The following GRK1 variants were observed in gnomAD, a reference collection of about 807,000 sequenced individuals.
GRK1 encodes the protein rhodopsin kinase GRK1.
In GRK1, 28 loss-of-function variants were observed where a neutral mutation model predicts 41.7. That is an observed-to-expected ratio of 0.67 (90% CI 0.50 to 0.92). The LOEUF (loss-of-function observed/expected upper bound fraction) is 0.92. Ranked by LOEUF, GRK1 falls within the 40% of genes least tolerant of loss-of-function variation. The pLI is 0.00. For missense variants in GRK1, 703 were observed against 671.2 expected (o/e 1.05, Z -0.52); for synonymous variants, 327 against 286.7 (o/e 1.14, Z -1.42).
In GRK1 at chr13:113,671,092, G is replaced by A. The variant is rs539880253; in HGVS notation, c.828-407G>A. On this transcript the variant is annotated intron_variant, in intron 2 of 6. Transcript: ENST00000335678. The surrounding 1 kb of genome is among the most constrained non-coding windows in gnomAD (Gnocchi z 4.1). ...AAACATAAGAGATGATGTTCTATGGGGGAGGAAAGAGGCTGAGAAGAAACA... is the reference window on the plus strand; with the variant it reads ...AAACATAAGAGATGATGTTCTATGGAGGAGGAAAGAGGCTGAGAAGAAACA... 6.6e-6 allele frequency among the ~76,000 whole-genome samples: 1 copy of A among 152,342 alleles called. No individual in the cohort carries two copies. Among genetic ancestry groups the A allele is most frequent in the South Asian group, 2.1e-4 (1 of 4,828 alleles).
At position 113,735,602 on chromosome 13, in the gene GRK1, A is replaced by T. The variant is rs2049998413; in HGVS notation, c.*239A>T. The T allele has an allele frequency of 2.2e-6, 1 of 445,710 alleles. No individual in the cohort carries two copies. The highest frequency in any genetic ancestry group is 2.0e-5 in the African/African-American group (1 of 50,192). 27.6% of individuals were successfully genotyped at this position (445,710 alleles called of 1,614,324 possible). On this transcript the variant is annotated 3_prime_UTR_variant, in exon 7 of 7. Transcript: ENST00000335678. The stretch of plus-strand genomic sequence containing the variant: ...CTGCATATTTCACGTCTTTTGCTCC[A>T]TCTCACTGAGAAGACATAAGATGCT...
In GRK1 at chr13:113,735,142, T is replaced by C; in HGVS notation, c.1471T>C (p.Ser491Pro). The C allele has an allele frequency of 6.5e-7, 1 of 1,537,162 alleles. No individual in the cohort carries two copies. The highest frequency in any genetic ancestry group is 2.4e-5 in the East Asian group (1 of 40,922). ...GGATATTCAGGACGTGGGTGCCTTTTCCACCGTCAAAGGTGTGGCCTTTGA... is the reference window on the plus strand; with the variant it reads ...GGATATTCAGGACGTGGGTGCCTTTCCCACCGTCAAAGGTGTGGCCTTTGA... Reference protein sequence around the residue: ...AKDIQDVGAFSTVKGVAFDKT... With the variant: ...AKDIQDVGAFPTVKGVAFDKT... The change falls in exon 7 of 7, where the codon TCC becomes CCC. Residue 491 changes from serine (S) to proline (P), a missense_variant. By Grantham distance (74) the Ser-to-Pro change is moderately conservative (BLOSUM62 -1). Transcript: ENST00000335678.
the GRK1 span, among the ~76,000 whole-genome samples, chr13:113,656,043 G>A: frequency 3.3e-5 from 5 of 152,204 alleles, no homozygotes; most frequent in Non-Finnish European, 7.3e-5. Flanking sequence ...TTTCCCCGCC[G>A]GGCGTCCCTG....
the GRK1 span, among the ~76,000 whole-genome samples, chr13:113,649,698 C>T: frequency 9.9e-5 from 15 of 152,194 alleles, no homozygotes. The surrounding 1 kb of genome is among the most constrained non-coding windows in gnomAD (Gnocchi z 4.7). Context: ...GCTGAGATAA[C>T]ACCCCCCATG....
At chr13:113,653,889 G>A in the GRK1 span, among the ~76,000 whole-genome samples, 4 of 152,208 alleles carry the variant, frequency 2.6e-5, no homozygotes, top group East Asian at 3.9e-4. Flanking sequence ...CAGAGCCGTC[G>A]ACTTTCCCGA....
At chr13:113,725,361 C>G (rs1378040910) in intron 4 of GRK1, among the ~76,000 whole-genome samples, 1 of 75,758 alleles carries the variant, frequency 1.3e-5, no homozygotes, top group Non-Finnish European at 2.6e-5. Context: ...CATGCGCGGT[C>G]CTAGTTTGAG....
rs939443435 is a variant in GRK1 at position 113,735,619 on chromosome 13, T to G, written c.*256T>G. 1 of 408,876 alleles carries G rather than the reference T, an allele frequency of 2.4e-6. No individual in the cohort carries two copies. The highest frequency in any genetic ancestry group is 4.3e-6 in the Non-Finnish European group (1 of 230,600). The allele number at this position is 408,876 out of a possible 1,614,324, so 25.3% of individuals were successfully genotyped here. ...TTTGCTCCATCTCACTGAGAAGACA[T>G]AAGATGCTCTCCAGAGGGAGTAAGC... On this transcript the variant is annotated 3_prime_UTR_variant, in exon 7 of 7. Transcript: ENST00000335678.
the GRK1 span, among the ~76,000 whole-genome samples, chr13:113,661,308 A>C: frequency 2.0e-5 from 3 of 152,188 alleles, no homozygotes; most frequent in Non-Finnish European, 4.4e-5. Flanking sequence ...TGAAGAAAAA[A>C]TACACCATAT....
At position 113,669,671 on chromosome 13, in the gene GRK1, G is replaced by A. The variant is rs377519161; in HGVS notation, c.700-16G>A. 1.9e-6 allele frequency: 3 copies of A among 1,613,848 alleles called. No homozygotes were observed. In the African/African-American group the frequency reaches 4.0e-5, roughly 22 times the overall value. On this transcript the variant is annotated splice_polypyrimidine_tract_variant and intron_variant, in intron 1 of 6. Transcript: ENST00000335678. ...CCTATTCAAAGCCAGTGCGTACTCAGCGTCTCACTTTTCAGGGTGCTATGG... is the reference window on the plus strand; with the variant it reads ...CCTATTCAAAGCCAGTGCGTACTCAACGTCTCACTTTTCAGGGTGCTATGG...
Position 113,671,797 on chromosome 13 carries a change from C to T in GRK1, c.985+141C>T, listed in dbSNP as rs1762470898. ...TCATGAGGGCTGACGGCTTCGTGGA[C>T]GGTGGAGGTGTCATCGGGCACCAGG... On this transcript the variant is annotated intron_variant, in intron 3 of 6. Transcript: ENST00000335678. This position sits in a 1 kb window ranked among gnomAD's most constrained non-coding sequence, Gnocchi z 4.1. The T allele has an allele frequency of 3.7e-5, 24 of 656,922 alleles. 1 individual carries two copies. The highest frequency in any genetic ancestry group is 2.5e-4 in the South Asian group (15 of 60,084). The allele number at this position is 656,922 out of a possible 1,614,324, so 40.7% of individuals were successfully genotyped here.
chr13:113,648,977 T>C, the GRK1 span: 2 of 158,646 alleles, frequency 1.3e-5, no homozygotes, highest in African/African-American at 4.9e-5. Flanking sequence ...TTCATATCAG[T>C]GCATTAGTAG....
At chr13:113,654,792 G>A in the GRK1 span, 2 of 1,610,922 alleles carry the variant, frequency 1.2e-6, no homozygotes, top group African/African-American at 1.3e-5. Flanking sequence ...CACGGCATGG[G>A]GGCAACATCC....
chr13:113,732,608 C>T (rs2049944987), intron 5 of GRK1, among the ~76,000 whole-genome samples: 2 of 152,248 alleles, frequency 1.3e-5, no homozygotes, highest in Non-Finnish European at 2.9e-5. Flanking sequence ...AGTTTCCTAT[C>T]TTTCCTTCCT....
chr13:113,660,736 A>G, the GRK1 span, among the ~76,000 whole-genome samples: 1 of 152,262 alleles, frequency 6.6e-6, no homozygotes, highest in Non-Finnish European at 1.5e-5. Flanking sequence ...ATATATGCCA[A>G]CACCAAGGTG....
At chr13:113,649,473 G>A in the GRK1 span, 6 of 1,560,248 alleles carry the variant, frequency 3.8e-6, no homozygotes, top group Admixed American at 3.8e-5. The surrounding 1 kb of genome is among the most constrained non-coding windows in gnomAD (Gnocchi z 4.7). Flanking sequence ...ACACGATGGC[G>A]ACCTCAGCGT....
rs1262573228 is a variant in GRK1, at chr13:113,735,445, G to A, written c.*82G>A. The A allele has an allele frequency of 8.6e-6, 12 of 1,396,032 alleles. No individual in the cohort carries two copies. Among genetic ancestry groups the A allele is most frequent in the Non-Finnish European group, 1.0e-5 (11 of 1,066,664 alleles). The allele number at this position is 1,396,032 out of a possible 1,614,324, so 86.5% of individuals were successfully genotyped here. On this transcript the variant is annotated 3_prime_UTR_variant, in exon 7 of 7. Coordinates refer to ENST00000335678, the MANE Select transcript of GRK1 (RefSeq NM_002929.3). ...CCTGCCTCCGTGGTGCCAGCCTGGG[G>A]TCTGCTAGCAAGGGGACACGTGGTT...
the GRK1 span, chr13:113,658,189 C>T: frequency 1.7e-4 from 270 of 1,556,974 alleles, no homozygotes; most frequent in African/African-American, 3.0e-3. Flanking sequence ...GCACCCTCTA[C>T]GCCCAGACTG....
chr13:113,672,022 C>T (rs1030109769), intron 3 of GRK1, among the ~76,000 whole-genome samples: 16 of 151,732 alleles, frequency 1.1e-4, no homozygotes, highest in East Asian at 3.9e-4. Flanking sequence ...TGAGAGAGTG[C>T]GTGGGGGGCG....
At position 113,737,016 on chromosome 13, in the gene GRK1, C is replaced by T. The variant is rs1386850697; in HGVS notation, c.*1653C>T. The stretch of plus-strand genomic sequence containing the variant: ...TCCCAGAAATGGCAGAGACAGCTGC[C>T]TGAGAGTCAGTGCTGCAGTGGGCAG... On this transcript the variant is annotated 3_prime_UTR_variant, in exon 7 of 7. Transcript: ENST00000335678. 7 of 152,388 alleles carry T rather than the reference C, an allele frequency of 4.6e-5. No individual in the cohort carries two copies. The highest frequency in any genetic ancestry group is 2.6e-4 in the Admixed American group (4 of 15,294). The allele number at this position is 152,388 out of a possible 1,614,324, so 9.4% of individuals were successfully genotyped here.
Sources: allele counts gnomAD v4.1 joint callset (sites outside exome capture counted in the v4.1 genomes callset), GRCh38; gene constraint gnomAD v4.1.1; non-coding constraint Gnocchi (gnomAD v3.1); transcripts MANE v1.5; gene names NCBI Gene and HGNC (gene_info 2026-07-23, HGNC 2026-07-21).